Variants in AKAP6 observed in about 807,000 individuals in gnomAD.
AKAP6 encodes the protein A-kinase anchor protein 6.
A neutral mutation model predicts 188.5 loss-of-function variants in AKAP6; 58 were observed. The observed-to-expected ratio is 0.31, with a 90% CI of 0.25 to 0.38. The LOEUF is 0.38. Among genes scored for constraint, AKAP6 ranks in the 10% least tolerant of loss-of-function variants. The pLI is 1.00. For synonymous variants in AKAP6, 989 were observed against 998.6 expected (o/e 0.99, Z 0.18); for missense variants, 2,710 against 2,740.0 (o/e 0.99, Z 0.24).
intron 7 of AKAP6, among the ~76,000 whole-genome samples, chr14:32,606,231 A>G (rs1364709632): frequency 6.6e-6 from 1 of 152,182 alleles, no homozygotes; most frequent in Non-Finnish European, 1.5e-5. Flanking sequence ...AAAGTTTATC[A>G]CTTCAGATTA....
intron 2 of AKAP6, among the ~76,000 whole-genome samples, chr14:32,510,426 ATATATATATGTG>A (rs1415296052): frequency 7.2e-5 from 5 of 69,640 alleles, no homozygotes; most frequent in Admixed American, 1.6e-4. Context: ...ATATATATAC[ATATATATATGTG>A]TATATATATA....
In AKAP6 at chr14:32,831,687, G is replaced by A. The variant is rs1197745701; in HGVS notation, c.*1882G>A. Reference sequence around the variant, plus strand: ...ATTTGTTGCAGAGCTGAGGAACAGAGCAAATGTAGTGATAGAAGCGCAATG... The same window carrying A: ...ATTTGTTGCAGAGCTGAGGAACAGAACAAATGTAGTGATAGAAGCGCAATG... On this transcript the variant is annotated 3_prime_UTR_variant, in exon 14 of 14. Coordinates refer to ENST00000280979, the MANE Select transcript of AKAP6 (RefSeq NM_004274.5). 6.6e-6 allele frequency: 1 copy of A among 152,292 alleles called. No homozygotes were observed. The highest frequency in any genetic ancestry group is 1.5e-5 in the Non-Finnish European group (1 of 68,086). 9.4% of individuals were successfully genotyped at this position (152,292 alleles called of 1,614,324 possible). A position where few individuals can be genotyped will look rare whatever the true frequency, so the allele number is the denominator to read the frequency against.
chr14:32,613,551 C>T (rs917990205), intron 7 of AKAP6, among the ~76,000 whole-genome samples: 16 of 152,142 alleles, frequency 1.1e-4, no homozygotes, highest in African/African-American at 3.9e-4. Flanking sequence ...GCTTTCATTT[C>T]TTTTCTAGCT....
intron 9 of AKAP6, among the ~76,000 whole-genome samples, chr14:32,702,769 G>A (rs1246253023): frequency 6.6e-6 from 1 of 152,112 alleles, no homozygotes; most frequent in Non-Finnish European, 1.5e-5. Flanking sequence ...TGGATCAAAC[G>A]AGCCGTGGGG....
At chr14:32,331,744 T>C (rs931654066) in intron 1 of AKAP6, among the ~76,000 whole-genome samples, 1 of 152,048 alleles carries the variant, frequency 6.6e-6, no homozygotes, top group Admixed American at 6.6e-5. Context: ...GCTGTATTTA[T>C]TGGTGCCTCA....
chr14:32,545,201 A>G, intron 3 of AKAP6, 29 bp from the exon 4 acceptor site: 1 of 1,588,386 alleles, frequency 6.3e-7, no homozygotes, highest in Non-Finnish European at 8.6e-7. Flanking sequence ...TGTTGCATTT[A>G]CTGAAACCAT....
intron 7 of AKAP6, among the ~76,000 whole-genome samples, chr14:32,622,473 A>G (rs931913207): frequency 6.6e-6 from 1 of 152,150 alleles, no homozygotes; most frequent in African/African-American, 2.4e-5. Context: ...CCATATAACC[A>G]TAAGCCATAA....
intron 2 of AKAP6, among the ~76,000 whole-genome samples, chr14:32,503,550 G>T (rs2138991931): frequency 6.6e-6 from 1 of 150,966 alleles, no homozygotes; most frequent in Admixed American, 6.6e-5. Context: ...TTTACATTTT[G>T]ATCCCCTTTT....
chr14:32,665,472 T>C (rs779387860), intron 7 of AKAP6, among the ~76,000 whole-genome samples: 19 of 152,208 alleles, frequency 1.2e-4, no homozygotes, highest in Middle Eastern at 6.8e-3. Context: ...AGAAATAGGG[T>C]AAGGGGCACA....
chr14:32,717,003 C>T (rs1207654646), intron 9 of AKAP6, among the ~76,000 whole-genome samples: 1 of 152,038 alleles, frequency 6.6e-6, no homozygotes, highest in Non-Finnish European at 1.5e-5. Flanking sequence ...GCAAAGATAG[C>T]TTTGTCCCTG....
At chr14:32,604,098 T>C (rs186172794) in intron 7 of AKAP6, among the ~76,000 whole-genome samples, 6 of 152,304 alleles carry the variant, frequency 3.9e-5, no homozygotes, top group Middle Eastern at 3.4e-3. Context: ...AACCCTCCAC[T>C]TACATTATTC....
At chr14:32,454,286 G>A (rs544240478) in intron 2 of AKAP6, among the ~76,000 whole-genome samples, 55 of 152,238 alleles carry the variant, frequency 3.6e-4, no homozygotes, top group African/African-American at 1.2e-3. Context: ...GAGATTGATG[G>A]CCCTTTTATT....
Position 32,833,868 on chromosome 14 carries a change from A to T in AKAP6, c.*4063A>T, listed in dbSNP as rs1177612456. The T allele has an allele frequency of 2.6e-5, 4 of 152,154 alleles. No individual in the cohort carries two copies. Among genetic ancestry groups the T allele is most frequent in the Non-Finnish European group, 5.9e-5 (4 of 68,018 alleles). 9.4% of individuals were successfully genotyped at this position (152,154 alleles called of 1,614,324 possible). A position where few individuals can be genotyped will look rare whatever the true frequency, so the allele number is the denominator to read the frequency against. On this transcript the variant is annotated 3_prime_UTR_variant, in exon 14 of 14. Coordinates refer to ENST00000280979, the MANE Select transcript of AKAP6 (RefSeq NM_004274.5). Reference sequence around the variant, plus strand: ...ATTTTGAAAAAATTCAGACCTATGTAAAAGTTGAGAGTAGAACAAAGATAC... The same window carrying T: ...ATTTTGAAAAAATTCAGACCTATGTTAAAGTTGAGAGTAGAACAAAGATAC...
chr14:32,492,353 T>TAGAGAG (rs779414935), intron 2 of AKAP6, among the ~76,000 whole-genome samples: 200 of 52,266 alleles, frequency 3.8e-3, no homozygotes, highest in Non-Finnish European at 8.0e-3. Flanking sequence ...TATATATATA[T>TAGAGAG]ATAGAGAGAG....
chr14:32,408,563 G>A (rs1461723257), intron 1 of AKAP6, among the ~76,000 whole-genome samples: 1 of 150,092 alleles, frequency 6.7e-6, no homozygotes, highest in East Asian at 1.9e-4. Context: ...TTTTCAATGA[G>A]CAACCACTCT....
chr14:32,573,835 C>T (rs1884603834), intron 4 of AKAP6, among the ~76,000 whole-genome samples: 1 of 152,100 alleles, frequency 6.6e-6, no homozygotes, highest in South Asian at 2.1e-4. Context: ...TTGTGTGTGT[C>T]CAAATGTGAA....
At chr14:32,536,872 G>T (rs899902924) in intron 3 of AKAP6, among the ~76,000 whole-genome samples, 1 of 152,172 alleles carries the variant, frequency 6.6e-6, no homozygotes, top group African/African-American at 2.4e-5. Flanking sequence ...TACGTTGCAT[G>T]TAGGGAGTGG....
intron 2 of AKAP6, among the ~76,000 whole-genome samples, chr14:32,449,391 G>A (rs1302891634): frequency 6.6e-6 from 1 of 151,862 alleles, no homozygotes; most frequent in East Asian, 1.9e-4. Flanking sequence ...GCATGGAGGT[G>A]CACGCCTCTA....
chr14:32,445,146 C>T (rs117524897), intron 2 of AKAP6, among the ~76,000 whole-genome samples: 1,524 of 152,300 alleles, frequency 0.01, 10 homozygotes, highest in East Asian at 0.024. Context: ...GCCTGTTGTT[C>T]CTTCTCTCGA....
Sources: gnomAD v4.1 joint callset for allele counts (sites outside exome capture counted in the v4.1 genomes callset) on GRCh38, gnomAD v4.1.1 for gene constraint, MANE v1.5 for transcripts, NCBI Gene and HGNC (gene_info 2026-07-23, HGNC 2026-07-21) for gene names.